Variants in RS1 observed in about 807,000 individuals in gnomAD.
RS1 encodes the protein retinoschisin 1.
RS1 carries 2 observed loss-of-function variants against 20.8 expected under a neutral mutation model. The observed-to-expected ratio is 0.10, with a 90% confidence interval of 0.04 to 0.30. RS1 has a LOEUF of 0.30. RS1 is among the 10% of genes least tolerant of loss of function. RS1 has a pLI of 1.00. For synonymous variants in RS1, 70 were observed against 75.8 expected, an observed-to-expected ratio of 0.92 and a Z score of 0.40; for missense variants, 151 against 189.8, an observed-to-expected ratio of 0.80 and a Z score of 1.20.
intron 3 of RS1, among the ~76,000 whole-genome samples, chrX:18,651,264 T>TGTGTGTGTGTGTGAGA (rs1491242962): frequency 1.4e-5 from 1 of 69,008 alleles, no homozygotes; most frequent in African/African-American, 6.3e-5. Flanking sequence ...TGTGTGTGTG[T>TGTGTGTGTGTGTGAGA]GAGAGAGAGA....
At chrX:18,659,451 G>A (rs1477216906) in intron 1 of RS1, among the ~76,000 whole-genome samples, 2 of 111,460 alleles carry the variant, frequency 1.8e-5, no homozygotes, top group African/African-American at 6.5e-5. Flanking sequence ...GGGCAACAGA[G>A]TGAGACTCTG....
At chrX:18,657,216 A>AATTTTTTTT (rs1491322520) in intron 2 of RS1, among the ~76,000 whole-genome samples, 1 of 36,299 alleles carries the variant, frequency 2.8e-5, no homozygotes. Context: ...CAAAAAAAAT[A>AATTTTTTTT]CTTTTTTTTT....
chrX:18,664,592 T>C (rs1928372801), intron 1 of RS1, among the ~76,000 whole-genome samples: 2 of 111,550 alleles, frequency 1.8e-5, no homozygotes, highest in Admixed American at 9.5e-5. Flanking sequence ...CACGCCACTG[T>C]ACTCCCAGCC....
chrX:18,645,683 C>G (rs1390896915), intron 4 of RS1, among the ~76,000 whole-genome samples: 4 of 111,300 alleles, frequency 3.6e-5, no homozygotes, highest in Non-Finnish European at 7.5e-5. Context: ...TGCTCTGGCC[C>G]CACAGGAACC....
chrX:18,657,738 G>C lies in RS1; in HGVS notation c.53-73C>G, dbSNP rs932261722. ...ATCCAACAGCATCACTCGTTACATG[G>C]AAAAGTGAAATAGAAATAGTCACAT... On this transcript the variant is annotated intron_variant, in intron 1 of 5. Transcript: ENST00000379984. The C allele has an allele frequency of 5.8e-6, 5 of 859,602 alleles. No homozygotes were observed. In the African/African-American group the frequency reaches 1.0e-4, roughly 17 times the overall value. The allele number at this position is 859,602 out of a possible 1,213,427, so 70.8% of individuals were successfully genotyped here.
At chrX:18,661,352 G>T (rs1360246557) in intron 1 of RS1, among the ~76,000 whole-genome samples, 2 of 111,506 alleles carry the variant, frequency 1.8e-5, no homozygotes, top group African/African-American at 6.5e-5. Flanking sequence ...GCATACAGAC[G>T]GGCAGGCTGT....
At chrX:18,668,556 G>A (rs960120027) in intron 1 of RS1, among the ~76,000 whole-genome samples, 1 of 113,118 alleles carries the variant, frequency 8.8e-6, no homozygotes, top group Non-Finnish European at 1.9e-5. Context: ...GAAACAGGAG[G>A]AACGCACGCA....
chrX:18,657,566 CTA>C, intron 2 of RS1, 72 bp downstream of exon 2: 2 of 792,064 alleles, frequency 2.5e-6, no homozygotes, highest in South Asian at 2.1e-5. Flanking sequence ...TGATAGTCCT[CTA>C]TGTTATTTTT....
intron 1 of RS1, among the ~76,000 whole-genome samples, chrX:18,671,218 T>C (rs1928487216): frequency 8.9e-6 from 1 of 111,962 alleles, no homozygotes; most frequent in African/African-American, 3.2e-5. Flanking sequence ...TTATTTTCTA[T>C]AACACACAAA....
intron 1 of RS1, 36 bp downstream of exon 1, chrX:18,671,981 G>A (rs1205621978): frequency 8.3e-6 from 9 of 1,088,942 alleles, no homozygotes; most frequent in African/African-American, 1.8e-5. Context: ...TATGTATTAA[G>A]TATGCAATGA....
intron 4 of RS1, chrX:18,645,945 T>C: frequency 1.7e-6 from 2 of 1,208,010 alleles, no homozygotes; most frequent in Non-Finnish European, 2.2e-6. Flanking sequence ...TAGAATATGT[T>C]TGTGTTCTTA....
At chrX:18,646,174 C>G in intron 4 of RS1, 1 of 1,180,811 alleles carries the variant, frequency 8.5e-7, no homozygotes, top group Non-Finnish European at 1.1e-6. Context: ...CTTTCTGAGA[C>G]AGAGTCTTGC....
At chrX:18,647,126 A>G (rs1927806659) in intron 4 of RS1, 65 bp downstream of exon 4, 1 of 1,153,729 alleles carries the variant, frequency 8.7e-7, no homozygotes, top group African/African-American at 1.8e-5. Flanking sequence ...TGTGTTGGCC[A>G]CGCTGGTAGA....
rs2147203094 is a variant in RS1 at position 18,656,698 on chromosome X, T to C, written c.139A>G (p.Asn47Asp). The change falls in exon 3 of 6, where the codon AAT becomes GAT. Residue 47 changes from asparagine to aspartate, a missense_variant. Physicochemically the swap from Asn to Asp is conservative, Grantham distance 23. Transcript: ENST00000379984. ...GTGGCACCTGCAGACCACAGAGCAT[T>C]GGGTCCTCCTTGGCAATCGCACTTG... is the stretch of plus-strand genomic sequence containing the variant. ...ACKCDCQGGP[N>D]ALWSAGATSL... is the part of the protein sequence containing the mutation. 3 of 1,211,121 alleles carry C rather than the reference T, an allele frequency of 2.5e-6. No individual in the cohort carries two copies. The highest frequency in any genetic ancestry group is 2.2e-6 in the Non-Finnish European group (2 of 895,123).
intron 3 of RS1, among the ~76,000 whole-genome samples, chrX:18,654,308 C>A (rs751974232): frequency 5.3e-4 from 58 of 110,187 alleles, no homozygotes; most frequent in African/African-American, 1.8e-3. Flanking sequence ...GCATATGCCA[C>A]CGTGCCCCCC....
At chrX:18,662,890 G>A (rs1928338852) in intron 1 of RS1, among the ~76,000 whole-genome samples, 1 of 110,999 alleles carries the variant, frequency 9.0e-6, no homozygotes, top group Non-Finnish European at 1.9e-5. Context: ...GCCTCCCAAA[G>A]TGCTAGGATT....
intron 2 of RS1, 137 bp from the exon 3 acceptor site, chrX:18,656,895 C>A (rs1928225960): frequency 1.9e-6 from 1 of 527,359 alleles, no homozygotes; most frequent in South Asian, 2.4e-5. Flanking sequence ...AGCTATTAAT[C>A]CAGCCTCAAT....
chrX:18,652,467 G>C lies in RS1; in HGVS notation c.184+4186C>G, dbSNP rs750341217. ...GAGGATCACTTGAGGTCAGGAGTTC[G>C]AGACCAGCCTGGCCAACACGGTGAA... On this transcript the variant is annotated intron_variant, in intron 3 of 5. Coordinates refer to ENST00000379984, the MANE Select transcript of RS1 (RefSeq NM_000330.4). 2.7e-5 allele frequency among the ~76,000 whole-genome samples: 3 copies of C among 111,845 alleles called. No individual in the cohort carries two copies. The South Asian group carries it at 1.1e-3, about 42-fold the overall frequency.
In RS1 at chrX:18,647,430, C is replaced by T. The variant is rs954636716; in HGVS notation, c.185-98G>A. The stretch of plus-strand genomic sequence containing the variant: ...AAACAAACCCATCTGCTTTGCGCTT[C>T]GGAGACGGAGAAGGCTTTACCTGTC... On this transcript the variant is annotated intron_variant, in intron 3 of 5. Coordinates refer to ENST00000379984, the MANE Select transcript of RS1 (RefSeq NM_000330.4). The T allele has an allele frequency of 6.9e-5, 64 of 933,983 alleles. No homozygotes were observed. In the South Asian group the frequency reaches 8.1e-4, roughly 12 times the overall value. The allele number at this position is 933,983 out of a possible 1,213,427, so 77.0% of individuals were successfully genotyped here. A position where few individuals can be genotyped will look rare whatever the true frequency, so the allele number is the denominator to read the frequency against.
Sources: gnomAD v4.1 joint callset for allele counts (sites outside exome capture counted in the v4.1 genomes callset) on GRCh38, gnomAD v4.1.1 for gene constraint, MANE v1.5 for transcripts, NCBI Gene and HGNC (gene_info 2026-07-23, HGNC 2026-07-21) for gene names.